Variants in DLGAP2 observed in about 807,000 individuals in gnomAD.
The protein encoded by DLGAP2 is disks large-associated protein 2.
DLGAP2 carries 26 observed loss-of-function variants against 100.3 expected under a neutral mutation model. That is an observed-to-expected ratio of 0.26 (90% CI 0.19 to 0.36). DLGAP2 has a LOEUF of 0.36. Among genes scored for constraint, DLGAP2 ranks in the 10% least tolerant of loss-of-function variants. The pLI is 1.00. For missense variants in DLGAP2, 1,858 were observed against 1,453.2 expected, an observed-to-expected ratio of 1.28 and a Z score of -4.53; for synonymous variants, 886 against 630.1, an observed-to-expected ratio of 1.41 and a Z score of -6.08.
In DLGAP2 at chr8:1,425,414, G is replaced by A. The variant is rs181121342; in HGVS notation, c.107-75952G>A. 1.4e-3 allele frequency among the ~76,000 whole-genome samples: 214 copies of A among 152,288 alleles called. 2 individuals carry two copies. Among genetic ancestry groups the A allele is most frequent in the African/African-American group, 4.7e-3 (195 of 41,564 alleles). ...ATTAGCTTTGCTACTCGACAGCATC[G>A]CCCATGGTACCAGGGACCCATCAGG... On this transcript the variant is annotated intron_variant, in intron 3 of 14. Transcript: ENST00000637795.
At chr8:1,472,433 A>G (rs574791159) in intron 3 of DLGAP2, among the ~76,000 whole-genome samples, 1 of 152,284 alleles carries the variant, frequency 6.6e-6, no homozygotes, top group Non-Finnish European at 1.5e-5. Context: ...AGTGAGAATG[A>G]CATGGTCTGG....
chr8:1,470,652 C>G (rs111376229), intron 3 of DLGAP2, among the ~76,000 whole-genome samples: 6 of 152,120 alleles, frequency 3.9e-5, no homozygotes, highest in Non-Finnish European at 7.4e-5. Flanking sequence ...AGTGACTAAT[C>G]TCTCGGCACA....
intron 6 of DLGAP2, among the ~76,000 whole-genome samples, chr8:1,595,018 A>G (rs1365084308): frequency 6.6e-6 from 1 of 151,744 alleles, no homozygotes; most frequent in Non-Finnish European, 1.5e-5. Context: ...TCCTCCACAC[A>G]ACAGCTCCTG....
At chr8:1,271,262 A>T (rs1232990997) in intron 3 of DLGAP2, among the ~76,000 whole-genome samples, 1 of 152,046 alleles carries the variant, frequency 6.6e-6, no homozygotes, top group Non-Finnish European at 1.5e-5. Context: ...GCACTGAGAG[A>T]CCTCCAGCCA....
chr8:1,527,853 A>T (rs1435007472), intron 4 of DLGAP2, among the ~76,000 whole-genome samples: 1 of 152,058 alleles, frequency 6.6e-6, no homozygotes, highest in African/African-American at 2.4e-5. Flanking sequence ...ACCCATTTTT[A>T]ATATTTTCTG....
chr8:1,268,726 A>G (rs1270903548), intron 3 of DLGAP2, among the ~76,000 whole-genome samples: 2 of 152,312 alleles, frequency 1.3e-5, no homozygotes, highest in East Asian at 1.9e-4. Context: ...CATTATCTCA[A>G]CTTACTACTT....
At chr8:1,099,727 T>G (rs1336975760) in intron 2 of DLGAP2, among the ~76,000 whole-genome samples, 1 of 152,242 alleles carries the variant, frequency 6.6e-6, no homozygotes, top group Non-Finnish European at 1.5e-5. Context: ...AGCCTGACAT[T>G]TAGACATTGG....
chr8:1,537,726 G>A (rs1336587130), intron 4 of DLGAP2, among the ~76,000 whole-genome samples: 2 of 128,334 alleles, frequency 1.6e-5, no homozygotes, highest in Admixed American at 8.3e-5. Flanking sequence ...TGGATGAAAG[G>A]ATGGAAGGAA....
At chr8:1,173,883 C>T (rs991886918) in intron 2 of DLGAP2, among the ~76,000 whole-genome samples, 1 of 152,224 alleles carries the variant, frequency 6.6e-6, no homozygotes, top group Non-Finnish European at 1.5e-5. Flanking sequence ...GGTGCACGCA[C>T]CCACTGACCT....
In DLGAP2 at chr8:936,334, A is replaced by T. The variant is rs146826212; in HGVS notation, c.73+28368A>T. On this transcript the variant is annotated intron_variant, in intron 2 of 14. Transcript: ENST00000637795. ...TTCTACATTGGAAAAAGCAAAGTGCAGGAACCGACCAATGTGTAAAACTCG... is the reference window on the plus strand; with the variant it reads ...TTCTACATTGGAAAAAGCAAAGTGCTGGAACCGACCAATGTGTAAAACTCG... Among the ~76,000 whole-genome samples the T allele has an allele frequency of 1.3e-3, 201 of 152,332 alleles. 1 individual carries two copies. The highest frequency in any genetic ancestry group is 4.6e-3 in the African/African-American group (192 of 41,576).
chr8:961,079 GT>G (rs1401362738), intron 2 of DLGAP2, among the ~76,000 whole-genome samples: 2 of 148,560 alleles, frequency 1.3e-5, no homozygotes, highest in Non-Finnish European at 3.0e-5. Context: ...CATGTTGCCT[GT>G]GAACGATACT....
At chr8:1,074,471 C>G (rs572328804) in intron 2 of DLGAP2, among the ~76,000 whole-genome samples, 57 of 152,316 alleles carry the variant, frequency 3.7e-4, no homozygotes, top group Middle Eastern at 3.4e-3. Context: ...ATACAGAAAC[C>G]CTTTCATGTG....
At chr8:824,188 T>C (rs1286617215) in intron 1 of DLGAP2, among the ~76,000 whole-genome samples, 1 of 152,050 alleles carries the variant, frequency 6.6e-6, no homozygotes, top group African/African-American at 2.4e-5. Flanking sequence ...GATCCTCCCA[T>C]CTCAGCCTCC....
intron 3 of DLGAP2, among the ~76,000 whole-genome samples, chr8:1,283,615 T>A (rs757609531): frequency 1.3e-5 from 2 of 152,246 alleles, no homozygotes; most frequent in African/African-American, 2.4e-5. Context: ...GGAACAGCGA[T>A]GATGCTGATA....
intron 2 of DLGAP2, among the ~76,000 whole-genome samples, chr8:1,004,752 T>C (rs73538141): frequency 0.02 from 3,026 of 152,296 alleles, 84 homozygotes; most frequent in African/African-American, 0.07. Flanking sequence ...CACCAGTAGG[T>C]CGAGCCCTGT....
intron 3 of DLGAP2, among the ~76,000 whole-genome samples, chr8:1,447,213 A>G (rs1002552683): frequency 3.3e-5 from 5 of 152,174 alleles, no homozygotes; most frequent in Admixed American, 2.6e-4. Flanking sequence ...CATTCAGTAT[A>G]ATATTGCCTG....
At chr8:1,487,874 G>A (rs1799270543) in intron 3 of DLGAP2, among the ~76,000 whole-genome samples, 1 of 152,166 alleles carries the variant, frequency 6.6e-6, no homozygotes, top group African/African-American at 2.4e-5. Flanking sequence ...CCGTAACTGG[G>A]AGGACAGCGG....
Position 1,707,699 on chromosome 8 carries a change from C to G in DLGAP2, c.*6293C>G, listed in dbSNP as rs1326328926. The G allele has an allele frequency of 6.6e-6, 1 of 152,092 alleles. No homozygotes were observed. The highest frequency in any genetic ancestry group is 1.5e-5 in the Non-Finnish European group (1 of 68,040). 9.4% of individuals were successfully genotyped at this position (152,092 alleles called of 1,614,324 possible). On this transcript the variant is annotated 3_prime_UTR_variant, in exon 15 of 15. Transcript: ENST00000637795. ...AAAATACCCAGGTGTGGCCTAAGGA[C>G]TATATTAAATGCCTCCTATAGAAAT...
chr8:1,350,549 G>A (rs1462711287), intron 3 of DLGAP2, among the ~76,000 whole-genome samples: 1 of 84,136 alleles, frequency 1.2e-5, no homozygotes, highest in Non-Finnish European at 2.4e-5. Flanking sequence ...AAGGCCGTGC[G>A]GGTCCTGAGT....
Sources: gnomAD v4.1 joint callset for allele counts (sites outside exome capture counted in the v4.1 genomes callset) on GRCh38, gnomAD v4.1.1 for gene constraint, MANE v1.5 for transcripts, NCBI Gene and HGNC (gene_info 2026-07-23, HGNC 2026-07-21) for gene names.